ZNF382: variants seen among roughly 807,000 people sequenced by gnomAD.
ZNF382 encodes zinc finger protein 382.
Under a neutral mutation model 38.8 loss-of-function variants are expected in ZNF382, and 20 were observed. The ratio of observed to expected loss-of-function variants is 0.51; its 90% CI spans 0.36 to 0.75. ZNF382 has a LOEUF of 0.75. Among genes scored for constraint, ZNF382 ranks in the 30% least tolerant of loss-of-function variants. ZNF382 has a pLI of 0.00. For synonymous variants in ZNF382, 202 were observed against 223.1 expected (o/e 0.91, Z 0.84); for missense variants, 546 against 654.1 (o/e 0.83, Z 1.80).
At chr19:36,605,480 T>C (rs1271760806) in intron 1 of ZNF382, 133 bp downstream of exon 1, 1 of 152,496 alleles carries the variant, frequency 6.6e-6, no homozygotes, top group African/African-American at 2.4e-5. Flanking sequence ...CTGGAAATTC[T>C]GAGGAGGAAA....
rs988949697 is a variant in ZNF382, at chr19:36,629,184, C to G, written c.*1634C>G. On this transcript the variant is annotated 3_prime_UTR_variant, in exon 5 of 5. Transcript: ENST00000292928. ...TCATGTTGGCCAGGCTGGTCTCGAA[C>G]TCCTGACCTCAGGTGATCTGCCTGC... The G allele has an allele frequency of 2.0e-5, 3 of 152,248 alleles. No homozygotes were observed. The highest frequency in any genetic ancestry group is 7.2e-5 in the African/African-American group (3 of 41,432). 9.4% of individuals were successfully genotyped at this position (152,248 alleles called of 1,614,324 possible).
chr19:36,632,565 G>A lies in ZNF382; in HGVS notation c.*5015G>A, dbSNP rs191522971. On this transcript the variant is annotated 3_prime_UTR_variant, in exon 5 of 5. Coordinates refer to ENST00000292928, the MANE Select transcript of ZNF382 (RefSeq NM_032825.5). ...CCAGGCTATCTAACTGGTTATGTAA[G>A]TTTAAAAAAGTTAAAAAGCCATCAT... 27 of 152,324 alleles carry A rather than the reference G, an allele frequency of 1.8e-4. No homozygotes were observed. Among genetic ancestry groups the A allele is most frequent in the African/African-American group, 6.3e-4 (26 of 41,560 alleles). 9.4% of individuals were successfully genotyped at this position (152,324 alleles called of 1,614,324 possible).
intron 4 of ZNF382, among the ~76,000 whole-genome samples, chr19:36,624,045 C>T (rs1025959452): frequency 5.3e-5 from 8 of 150,934 alleles, no homozygotes; most frequent in Non-Finnish European, 8.8e-5. Context: ...GCTGAGACCA[C>T]GCTGTTGCAC....
intron 2 of ZNF382, chr19:36,608,324 G>A (rs1360169461): frequency 6.6e-6 from 1 of 152,176 alleles, no homozygotes; most frequent in East Asian, 1.9e-4. Context: ...CAAATTGTGG[G>A]CTGCCAGTGA....
rs979531154 is a variant in ZNF382, at chr19:36,610,566, T to C, written c.140-84T>C. On this transcript the variant is annotated intron_variant, in intron 3 of 4. Coordinates refer to ENST00000292928, the MANE Select transcript of ZNF382 (RefSeq NM_032825.5). The stretch of plus-strand genomic sequence containing the variant: ...AGACATTAATGTATACCTCATTTAC[T>C]ACCTTGAAGTTGTATCTTTATCTTA... 26 of 1,043,728 alleles carry C rather than the reference T, an allele frequency of 2.5e-5. No individual in the cohort carries two copies. The Admixed American group carries it at 5.6e-4, about 22-fold the overall frequency. 64.7% of individuals were successfully genotyped at this position (1,043,728 alleles called of 1,614,324 possible).
Position 36,627,566 on chromosome 19 carries a change from T to C in ZNF382, c.*16T>C. Reference sequence around the variant, plus strand: ...AATTCAGTAAGTAATGTGGCTTTTTTTGTAAAAAAATGTTAAGTCATAGTA... The same window carrying C: ...AATTCAGTAAGTAATGTGGCTTTTTCTGTAAAAAAATGTTAAGTCATAGTA... On this transcript the variant is annotated 3_prime_UTR_variant, in exon 5 of 5. Transcript: ENST00000292928. 1 of 1,584,968 alleles carries C rather than the reference T, an allele frequency of 6.3e-7. No individual in the cohort carries two copies. Among genetic ancestry groups the C allele is most frequent in the Non-Finnish European group, 8.6e-7 (1 of 1,159,172 alleles).
At position 36,626,632 on chromosome 19, in the gene ZNF382, T is replaced by C. The variant is rs747940282; in HGVS notation, c.735T>C (p.Asp245=). ...AAAGAACCTTTGAATACAATAAAGA[T>C]GGAATTGCCTTCATAGAAAAGTCAA... ...RGERTFEYNK[D]GIAFIEKSSL... The change falls in exon 5 of 5, where the codon GAT becomes GAC. Residue 245 remains aspartate (D), a synonymous_variant. Coordinates refer to ENST00000292928, the MANE Select transcript of ZNF382 (RefSeq NM_032825.5). 1.2e-6 allele frequency: 2 copies of C among 1,614,166 alleles called. No homozygotes were observed. Among genetic ancestry groups the C allele is most frequent in the Non-Finnish European group, 1.7e-6 (2 of 1,180,038 alleles).
chr19:36,625,677 A>G (rs1322880276), intron 4 of ZNF382, among the ~76,000 whole-genome samples: 4 of 151,972 alleles, frequency 2.6e-5, no homozygotes, highest in African/African-American at 9.7e-5. Flanking sequence ...CTCCTGCCTC[A>G]GCCTCCTGAG....
chr19:36,621,177 C>T (rs1459347361), intron 4 of ZNF382, among the ~76,000 whole-genome samples: 1 of 152,112 alleles, frequency 6.6e-6, no homozygotes, highest in Non-Finnish European at 1.5e-5. Context: ...GATCTCTCCA[C>T]AATGTGTTAT....
intron 4 of ZNF382, among the ~76,000 whole-genome samples, chr19:36,621,058 C>T (rs1162429421): frequency 6.6e-6 from 1 of 152,058 alleles, no homozygotes; most frequent in African/African-American, 2.4e-5. Flanking sequence ...CACGCCCGGC[C>T]TGTTCCCATA....
chr19:36,613,612 G>A (rs1398020617), intron 4 of ZNF382, among the ~76,000 whole-genome samples: 1 of 151,676 alleles, frequency 6.6e-6, no homozygotes, highest in Admixed American at 6.6e-5. Context: ...CGCTAATTCT[G>A]TATTTTTAGT....
chr19:36,625,089 A>ATATATATATATAT (rs2037199569), intron 4 of ZNF382, among the ~76,000 whole-genome samples: 1 of 42,972 alleles, frequency 2.3e-5, no homozygotes, highest in South Asian at 1.3e-3. Flanking sequence ...AATGAATTTA[A>ATATATATATATAT]ATATATATAT....
intron 4 of ZNF382, among the ~76,000 whole-genome samples, chr19:36,617,785 A>G (rs939911522): frequency 7.9e-5 from 12 of 152,140 alleles, no homozygotes; most frequent in Non-Finnish European, 1.6e-4. Context: ...TGGTGATCAG[A>G]TATCACCTGG....
intron 1 of ZNF382, 124 bp from the exon 2 acceptor site, chr19:36,607,427 AG>A: frequency 1.7e-6 from 1 of 598,186 alleles, no homozygotes; most frequent in Non-Finnish European, 2.9e-6. Flanking sequence ...GGACATCTGA[AG>A]GGTACACAGG....
At chr19:36,623,898 G>A (rs1036640018) in intron 4 of ZNF382, among the ~76,000 whole-genome samples, 23 of 151,684 alleles carry the variant, frequency 1.5e-4, no homozygotes, top group African/African-American at 5.3e-4. Context: ...AGACCAGCCT[G>A]GCCAACATAG....
chr19:36,614,952 T>TCCCTTC (rs2037113090), intron 4 of ZNF382, among the ~76,000 whole-genome samples: 4 of 139,082 alleles, frequency 2.9e-5, no homozygotes, highest in South Asian at 4.6e-4. Context: ...CCTTTCCCTT[T>TCCCTTC]CCCTTCCTTT....
chr19:36,612,465 C>T (rs1471527781), intron 4 of ZNF382, among the ~76,000 whole-genome samples: 1 of 152,146 alleles, frequency 6.6e-6, no homozygotes, highest in Non-Finnish European at 1.5e-5. Context: ...CTTCAGTAAA[C>T]ACGTAGCAGC....
intron 4 of ZNF382, among the ~76,000 whole-genome samples, chr19:36,613,422 CTTTT>C (rs11353427): frequency 2.5e-5 from 3 of 121,262 alleles, no homozygotes; most frequent in Admixed American, 8.6e-5. Context: ...GTATATTTTG[CTTTT>C]TTTTTTTTTT....
chr19:36,632,678 T>C lies in ZNF382; in HGVS notation c.*5128T>C, dbSNP rs2037261113. ...TCACTGGCCTTATCCCAACCAAGAGTCAGAGCCAGACATCTGGGCATCGTG... is the reference window on the plus strand; with the variant it reads ...TCACTGGCCTTATCCCAACCAAGAGCCAGAGCCAGACATCTGGGCATCGTG... On this transcript the variant is annotated 3_prime_UTR_variant, in exon 5 of 5. Coordinates refer to ENST00000292928, the MANE Select transcript of ZNF382 (RefSeq NM_032825.5). 1 of 152,104 alleles carries C rather than the reference T, an allele frequency of 6.6e-6. No homozygotes were observed. The highest frequency in any genetic ancestry group is 2.1e-4 in the South Asian group (1 of 4,824). 9.4% of individuals were successfully genotyped at this position (152,104 alleles called of 1,614,324 possible). A position where few individuals can be genotyped will look rare whatever the true frequency, so the allele number is the denominator to read the frequency against.
Sources: gnomAD v4.1 joint callset for allele counts (sites outside exome capture counted in the v4.1 genomes callset) on GRCh38, gnomAD v4.1.1 for gene constraint, MANE v1.5 for transcripts, NCBI Gene and HGNC (gene_info 2026-07-23, HGNC 2026-07-21) for gene names.